Variants in PTPRD observed in about 807,000 individuals in gnomAD.
The protein encoded by PTPRD is receptor-type tyrosine-protein phosphatase delta.
PTPRD carries 34 observed loss-of-function variants against 214.5 expected under a neutral mutation model. The observed-to-expected ratio is 0.16, with a 90% CI of 0.12 to 0.21. The LOEUF is 0.21. Among genes scored for constraint, PTPRD ranks in the 10% least tolerant of loss-of-function variants. The pLI is 1.00. For synonymous variants in PTPRD, 1,128 were observed against 845.7 expected (o/e 1.33, Z -5.79); for missense variants, 2,545 against 2,398.7 (o/e 1.06, Z -1.27).
rs182251986 is a variant in PTPRD at position 9,189,562 on chromosome 9, A to G, written c.-202-6199T>C. The stretch of plus-strand genomic sequence containing the variant: ...TAAATCCATATGAGATGCTTCTATT[A>G]TGTCTTAACACTTTATAATGATTTC... On this transcript the variant is annotated intron_variant, in intron 9 of 45. Transcript: ENST00000381196. Among the ~76,000 whole-genome samples the G allele has an allele frequency of 2.8e-3, 431 of 152,120 alleles. 2 individuals are homozygous for G. Among genetic ancestry groups the G allele is most frequent in the African/African-American group, 1.0e-2 (415 of 41,534 alleles).
intron 9 of PTPRD, among the ~76,000 whole-genome samples, chr9:9,350,049 G>A (rs1028372856): frequency 6.6e-6 from 1 of 152,004 alleles, no homozygotes; most frequent in Non-Finnish European, 1.5e-5. Flanking sequence ...GCTTGAAGAG[G>A]TAGGAACGGA....
At chr9:9,202,395 G>C (rs569448834) in intron 9 of PTPRD, among the ~76,000 whole-genome samples, 1 of 152,172 alleles carries the variant, frequency 6.6e-6, no homozygotes, top group South Asian at 2.1e-4. Flanking sequence ...TTCTTATCAA[G>C]TAGGAGACAT....
At chr9:9,936,510 C>T (rs2089475783) in intron 5 of PTPRD, among the ~76,000 whole-genome samples, 1 of 148,524 alleles carries the variant, frequency 6.7e-6, no homozygotes, top group African/African-American at 2.5e-5. Flanking sequence ...AAATGCAAAT[C>T]AAAACCACAA....
At chr9:8,426,271 G>A (rs1467491750) in intron 35 of PTPRD, among the ~76,000 whole-genome samples, 4 of 152,146 alleles carry the variant, frequency 2.6e-5, no homozygotes, top group Non-Finnish European at 2.9e-5. Flanking sequence ...GAGAGGTAAA[G>A]CAACTGGCTC....
At chr9:9,716,125 T>A (rs931631764) in intron 7 of PTPRD, among the ~76,000 whole-genome samples, 1 of 152,114 alleles carries the variant, frequency 6.6e-6, no homozygotes. Context: ...GTTCTTGCGA[T>A]AGTTTACTGA....
At chr9:9,545,782 T>C (rs1312450518) in intron 8 of PTPRD, among the ~76,000 whole-genome samples, 1 of 151,814 alleles carries the variant, frequency 6.6e-6, no homozygotes, top group South Asian at 2.1e-4. Context: ...CTATTCTGGG[T>C]CTTTTACTGT....
At chr9:9,948,795 G>C (rs974360650) in intron 4 of PTPRD, among the ~76,000 whole-genome samples, 1 of 151,992 alleles carries the variant, frequency 6.6e-6, no homozygotes, top group Non-Finnish European at 1.5e-5. Context: ...TATTAGATCT[G>C]ATCTCAACAG....
chr9:8,393,295 G>C (rs1480675219), intron 36 of PTPRD, among the ~76,000 whole-genome samples: 1 of 152,168 alleles, frequency 6.6e-6, no homozygotes, highest in African/African-American at 2.4e-5. Context: ...GGTTATGAAG[G>C]ATGGAAATGT....
intron 5 of PTPRD, among the ~76,000 whole-genome samples, chr9:9,791,890 A>C (rs1355466193): frequency 2.0e-5 from 3 of 152,174 alleles, no homozygotes; most frequent in Non-Finnish European, 4.4e-5. Flanking sequence ...TATGCTTAGA[A>C]GCTTTATTTT....
At chr9:8,674,457 A>T (rs964742158) in intron 12 of PTPRD, among the ~76,000 whole-genome samples, 4 of 8,478 alleles carry the variant, frequency 4.7e-4, no homozygotes, top group African/African-American at 1.9e-3. Flanking sequence ...ACGCTGTCTC[A>T]AAAAAAAAAA....
intron 11 of PTPRD, among the ~76,000 whole-genome samples, chr9:8,763,304 G>C (rs1365353281): frequency 6.6e-6 from 1 of 152,026 alleles, no homozygotes; most frequent in Non-Finnish European, 1.5e-5. Context: ...CTGAAACCAG[G>C]AGTTCGAGAC....
intron 14 of PTPRD, among the ~76,000 whole-genome samples, chr9:8,538,660 A>C (rs2077558175): frequency 6.6e-6 from 1 of 151,260 alleles, no homozygotes; most frequent in Non-Finnish European, 1.5e-5. Context: ...TACTATACAT[A>C]TTTTAAATAT....
intron 11 of PTPRD, among the ~76,000 whole-genome samples, chr9:8,995,842 G>A (rs770985495): frequency 1.5e-4 from 23 of 151,424 alleles, no homozygotes; most frequent in Non-Finnish European, 2.9e-4. Flanking sequence ...TGAGCTGAGG[G>A]GCAAACTGAC....
At chr9:9,107,667 G>T (rs1437830958) in intron 10 of PTPRD, among the ~76,000 whole-genome samples, 1 of 152,118 alleles carries the variant, frequency 6.6e-6, no homozygotes, top group African/African-American at 2.4e-5. Flanking sequence ...ACTTGTCCTT[G>T]TCCCCTTTGG....
At chr9:9,381,549 A>C (rs1404343009) in intron 9 of PTPRD, among the ~76,000 whole-genome samples, 4 of 151,760 alleles carry the variant, frequency 2.6e-5, no homozygotes, top group African/African-American at 9.6e-5. Flanking sequence ...TTGTAGAGAC[A>C]GGGTTTCACC....
At chr9:10,394,075 T>TAGAG (rs911604652) in intron 2 of PTPRD, among the ~76,000 whole-genome samples, 9 of 143,500 alleles carry the variant, frequency 6.3e-5, no homozygotes, top group African/African-American at 2.3e-4. Flanking sequence ...TATATATATA[T>TAGAG]AGAGAGAGAA....
chr9:9,401,964 CTTTAT>C (rs1048458449), intron 8 of PTPRD, among the ~76,000 whole-genome samples: 25 of 152,048 alleles, frequency 1.6e-4, no homozygotes, highest in African/African-American at 5.8e-4. Context: ...AACCTCTCTC[CTTTAT>C]AAGTTACCTA....
intron 3 of PTPRD, among the ~76,000 whole-genome samples, chr9:10,043,943 T>C (rs571240394): frequency 6.6e-6 from 1 of 151,992 alleles, no homozygotes; most frequent in African/African-American, 2.4e-5. Flanking sequence ...TCTATTCTGA[T>C]TACTGGCTAT....
intron 4 of PTPRD, among the ~76,000 whole-genome samples, chr9:9,990,375 G>T (rs896103558): frequency 2.6e-5 from 4 of 152,236 alleles, no homozygotes; most frequent in South Asian, 2.1e-4. Context: ...GTGCAGTTCA[G>T]AACAATGTGA....
Sources: gnomAD v4.1 joint callset for allele counts (sites outside exome capture counted in the v4.1 genomes callset) on GRCh38, gnomAD v4.1.1 for gene constraint, MANE v1.5 for transcripts, NCBI Gene and HGNC (gene_info 2026-07-23, HGNC 2026-07-21) for gene names.